Variants in TARM1 observed in about 807,000 individuals in gnomAD.
TARM1 encodes T cell-interacting, activating receptor on myeloid cells 1.
In TARM1, 24 loss-of-function variants were observed where a neutral mutation model predicts 30.4. That is an observed-to-expected ratio of 0.79 (90% confidence interval 0.57 to 1.11). The LOEUF is 1.11. TARM1 is among the 50% of genes least tolerant of loss of function. The pLI, the probability that TARM1 is intolerant of heterozygous loss-of-function variation, is 0.00. For synonymous variants in TARM1, 129 were observed against 138.9 expected, an observed-to-expected ratio of 0.93 and a Z score of 0.50; for missense variants, 323 against 332.8, an observed-to-expected ratio of 0.97 and a Z score of 0.23.
Position 54,075,090 on chromosome 19 carries a change from C to A in TARM1, c.95G>T (p.Ser32Ile). 6.4e-7 allele frequency: 1 copy of A among 1,551,418 alleles called. No individual in the cohort carries two copies. Among genetic ancestry groups the A allele is most frequent in the South Asian group, 1.2e-5 (1 of 84,034 alleles). ...AGGGACCACCGAGCTGGGCCAGGCACTGAGGGACGGCTTGGGCAGTGACCC... is the reference window on the plus strand; with the variant it reads ...AGGGACCACCGAGCTGGGCCAGGCAATGAGGGACGGCTTGGGCAGTGACCC... ...GDGSLPKPSL[S>I]AWPSSVVPAN... Residue 32 changes from serine (S) to isoleucine (I), a missense_variant, in exon 3 of 5, where the codon AGT becomes ATT. By Grantham distance (142) the Ser-to-Ile change is moderately radical (BLOSUM62 -2). Transcript: ENST00000432826.
At position 54,070,077 on chromosome 19, in the gene TARM1, C is replaced by G; in HGVS notation, c.742G>C (p.Gly248Arg). The part of the protein sequence containing the change: ...GLAAVIVVIM[G>R]AFLVEAWYSR... ...TACCAGGCCTCCACCAGGAAAGCTC[C>G]CATGATAACCACAATTACGGCAGCC... The change falls in exon 5 of 5, where the codon GGA becomes CGA. Residue 248 changes from glycine to arginine, a missense_variant. By Grantham distance (125) the Gly-to-Arg change is moderately radical (BLOSUM62 -2). Coordinates refer to ENST00000432826, the MANE Select transcript of TARM1 (RefSeq NM_001135686.3). The G allele has an allele frequency of 2.6e-6, 4 of 1,551,566 alleles. No homozygotes were observed. Among genetic ancestry groups the G allele is most frequent in the Non-Finnish European group, 3.5e-6 (4 of 1,146,984 alleles).
rs2071901040 is a variant in TARM1, at chr19:54,074,739, TG to T, written c.361+84del. On this transcript the variant is annotated intron_variant, in intron 3 of 4. Coordinates refer to ENST00000432826, the MANE Select transcript of TARM1 (RefSeq NM_001135686.3). Reference sequence around the variant, plus strand: ...CCACCACCCCCAACTACTCTGAAGGTGGGACCCCTTTTCTCCCTCTGTTCCT... The same window carrying T: ...CCACCACCCCCAACTACTCTGAAGGTGGACCCCTTTTCTCCCTCTGTTCCT... 2.9e-6 allele frequency: 4 copies of T among 1,395,952 alleles called. No individual in the cohort carries two copies. The Admixed American group carries it at 6.8e-5, about 24-fold the overall frequency. 86.5% of individuals were successfully genotyped at this position (1,395,952 alleles called of 1,614,324 possible). A position where few individuals can be genotyped will look rare whatever the true frequency, so the allele number is the denominator to read the frequency against.
intron 1 of TARM1, among the ~76,000 whole-genome samples, chr19:54,078,792 T>C (rs1191880247): frequency 6.6e-6 from 1 of 151,940 alleles, no homozygotes; most frequent in African/African-American, 2.4e-5. Context: ...TGTGAGACAC[T>C]GTGCTCGGCC....
intron 3 of TARM1, 42 bp from the exon 4 acceptor site, chr19:54,074,258 G>A: frequency 1.3e-6 from 2 of 1,517,586 alleles, no homozygotes; most frequent in Non-Finnish European, 1.8e-6. Context: ...GGAGAAGTCT[G>A]GAATCCCCCA....
intron 4 of TARM1, among the ~76,000 whole-genome samples, chr19:54,072,583 A>C (rs1023981409): frequency 6.6e-6 from 1 of 152,026 alleles, no homozygotes; most frequent in Non-Finnish European, 1.5e-5. Context: ...GGCTCAAGCA[A>C]TTCTCCAGCC....
At chr19:54,073,825 T>C in intron 4 of TARM1, 95 bp downstream of exon 4, 1 of 1,402,532 alleles carries the variant, frequency 7.1e-7, no homozygotes, top group Non-Finnish European at 9.7e-7. Context: ...AGCGATGATA[T>C]TGTAAGTAAT....
intron 1 of TARM1, among the ~76,000 whole-genome samples, chr19:54,077,490 T>C (rs587659032): frequency 6.6e-6 from 1 of 152,256 alleles, no homozygotes; most frequent in Admixed American, 6.5e-5. Flanking sequence ...GTTAGGCCTG[T>C]GTCTCTGAGA....
At chr19:54,076,347 TTTCATTCA>T (rs1568506630) in intron 1 of TARM1, 1 of 350,262 alleles carries the variant, frequency 2.9e-6, no homozygotes, top group African/African-American at 4.1e-5. Flanking sequence ...TCTTTCTTTC[TTTCATTCA>T]TTCTTTCTTT....
chr19:54,075,925 G>A lies in TARM1; in HGVS notation c.35-7C>T. 2 of 1,551,136 alleles carry A rather than the reference G, an allele frequency of 1.3e-6. No homozygotes were observed. Among genetic ancestry groups the A allele is most frequent in the Non-Finnish European group, 1.7e-6 (2 of 1,146,970 alleles). Reference sequence around the variant, plus strand: ...CCTTGGCCCACGCACAGTCCTGCAAGACAATCCTCCGTGAGCCAGAAGCCC... The same window carrying A: ...CCTTGGCCCACGCACAGTCCTGCAAAACAATCCTCCGTGAGCCAGAAGCCC... On this transcript the variant is annotated splice_region_variant and splice_polypyrimidine_tract_variant and intron_variant, in intron 1 of 4. Coordinates refer to ENST00000432826, the MANE Select transcript of TARM1 (RefSeq NM_001135686.3).
intron 1 of TARM1, chr19:54,076,571 C>T (rs1285955014): frequency 4.9e-6 from 1 of 203,286 alleles, no homozygotes; most frequent in African/African-American, 2.3e-5. Flanking sequence ...CCATATTGGC[C>T]AGGCTGGTCT....
At chr19:54,076,335 T>TTTCTTTCTTTCATGCA in intron 1 of TARM1, 1 of 506,500 alleles carries the variant, frequency 2.0e-6, no homozygotes, top group Non-Finnish European at 3.4e-6. Flanking sequence ...TTTTTCTTTC[T>TTTCTTTCTTTCATGCA]TTCTTTCTTT....
intron 1 of TARM1, among the ~76,000 whole-genome samples, chr19:54,080,338 G>A (rs1352666502): frequency 6.7e-6 from 1 of 149,284 alleles, no homozygotes; most frequent in Non-Finnish European, 1.5e-5. Flanking sequence ...GGCGCCTGTA[G>A]TCCCAGCTAC....
At chr19:54,080,093 A>AGGG (rs2072065152) in intron 1 of TARM1, among the ~76,000 whole-genome samples, 1 of 8,768 alleles carries the variant, frequency 1.1e-4, no homozygotes, top group East Asian at 0.024. Flanking sequence ...AAGAGAAAGA[A>AGGG]AGGAAGGAAG....
chr19:54,079,982 T>C (rs186552263), intron 1 of TARM1, among the ~76,000 whole-genome samples: 214 of 117,152 alleles, frequency 1.8e-3, no homozygotes, highest in Middle Eastern at 0.011. Flanking sequence ...CCAGCCTGGG[T>C]ACAGAGTGAG....
chr19:54,076,563 A>G, intron 1 of TARM1: 1 of 220,410 alleles, frequency 4.5e-6, no homozygotes, highest in South Asian at 9.7e-5. Flanking sequence ...GGGTTTCACC[A>G]TATTGGCCAG....
In TARM1 at chr19:54,074,425, G is replaced by A. The variant is rs149491576; in HGVS notation, c.362-209C>T. ...AGGCCTGGCATGGTGGCTCACACCTGTAATCCCAGCACTTTGGGAGGCCAA... is the reference window on the plus strand; with the variant it reads ...AGGCCTGGCATGGTGGCTCACACCTATAATCCCAGCACTTTGGGAGGCCAA... On this transcript the variant is annotated intron_variant, in intron 3 of 4. Coordinates refer to ENST00000432826, the MANE Select transcript of TARM1 (RefSeq NM_001135686.3). Among the ~76,000 whole-genome samples, 506 of 152,340 alleles carry A rather than the reference G, an allele frequency of 3.3e-3. 6 individuals carry two copies. The highest frequency in any genetic ancestry group is 0.012 in the African/African-American group (497 of 41,568).
At chr19:54,079,364 T>C (rs1476301741) in intron 1 of TARM1, among the ~76,000 whole-genome samples, 1 of 151,866 alleles carries the variant, frequency 6.6e-6, no homozygotes, top group Non-Finnish European at 1.5e-5. Context: ...AGCGTTCATA[T>C]TGGGAATTGT....
chr19:54,079,604 C>T (rs1420004838), intron 1 of TARM1, among the ~76,000 whole-genome samples: 1 of 152,188 alleles, frequency 6.6e-6, no homozygotes, highest in Non-Finnish European at 1.5e-5. Context: ...GTAATCCCAG[C>T]ACTTTGGGAG....
intron 1 of TARM1, among the ~76,000 whole-genome samples, chr19:54,076,730 T>C (rs1231471639): frequency 6.6e-6 from 1 of 151,976 alleles, no homozygotes; most frequent in Non-Finnish European, 1.5e-5. Context: ...GTTGCCCAGG[T>C]TGGAGTGCAG....
Sources: gnomAD v4.1 joint callset for allele counts (sites outside exome capture counted in the v4.1 genomes callset) on GRCh38, gnomAD v4.1.1 for gene constraint, MANE v1.5 for transcripts, NCBI Gene and HGNC (gene_info 2026-07-23, HGNC 2026-07-21) for gene names.